The following ARL6IP5 variants were observed in gnomAD, a reference collection of about 807,000 sequenced individuals.
ARL6IP5 encodes the protein PRA1 family protein 3.
Under a neutral mutation model 13.0 loss-of-function variants are expected in ARL6IP5, and 6 were observed. The observed-to-expected ratio is 0.46, with a 90% CI of 0.25 to 0.91. The LOEUF (loss-of-function observed/expected upper bound fraction) is 0.91, where lower values mean the gene tolerates loss of function less well. Ranked by LOEUF, ARL6IP5 falls within the 40% of genes least tolerant of loss-of-function variation. The pLI is 0.17. For synonymous variants in ARL6IP5, 91 were observed against 91.9 expected, an observed-to-expected ratio of 0.99 and a Z score of 0.06; for missense variants, 208 against 248.8, an observed-to-expected ratio of 0.84 and a Z score of 1.10.
chr3:69,094,846 G>A (rs895144021), intron 1 of ARL6IP5, among the ~76,000 whole-genome samples: 2 of 151,808 alleles, frequency 1.3e-5, no homozygotes, highest in Admixed American at 1.3e-4. Flanking sequence ...AAAATGAGGT[G>A]GGTTAGCAAG....
In ARL6IP5 at chr3:69,090,698, T is replaced by C. The variant is rs1228706798; in HGVS notation, c.176+5475T>C. Among the ~76,000 whole-genome samples, 38 of 152,202 alleles carry C rather than the reference T, an allele frequency of 2.5e-4. 1 individual carries two copies. The highest frequency in any genetic ancestry group is 2.4e-3 in the Admixed American group (37 of 15,282). On this transcript the variant is annotated intron_variant, in intron 1 of 2. Transcript: ENST00000273258. ...GAACAAATACTGAGCACCTACCATG[T>C]GGTAGACACTGTCTAGGCCCTGAGG...
In ARL6IP5 at chr3:69,087,522, C is replaced by G. The variant is rs2092252270; in HGVS notation, c.176+2299C>G. Among the ~76,000 whole-genome samples, 3 of 151,990 alleles carry G rather than the reference C, an allele frequency of 2.0e-5. No individual in the cohort carries two copies. The East Asian group carries it at 5.8e-4, about 29-fold the overall frequency. On this transcript the variant is annotated intron_variant, in intron 1 of 2. Coordinates refer to ENST00000273258, the MANE Select transcript of ARL6IP5 (RefSeq NM_006407.4). ...TATTTTCTTCAGACATGTGTGCTGC[C>G]CAGACCAGGCACAAGCTCAGACAGC...
rs111700508 is a variant in ARL6IP5, at chr3:69,085,033, C to G, written c.-15C>G. On this transcript the variant is annotated 5_prime_UTR_variant, in exon 1 of 3. Transcript: ENST00000273258. ...GCCGCCAGATTCTGGAGGCGAAGAA[C>G]GCAAAGCTGAGAACATGGACGTTAA... 3.0e-3 allele frequency: 4,776 copies of G among 1,610,492 alleles called. 117 individuals carry two copies. In the African/African-American group the frequency reaches 0.057, roughly 19 times the overall value.
chr3:69,090,480 G>T (rs1038940504), intron 1 of ARL6IP5, among the ~76,000 whole-genome samples: 2 of 152,196 alleles, frequency 1.3e-5, no homozygotes, highest in African/African-American at 4.8e-5. Context: ...AGTATAGCAA[G>T]TGTACAGAAA....
intron 1 of ARL6IP5, among the ~76,000 whole-genome samples, chr3:69,094,832 G>A (rs1055163500): frequency 1.1e-4 from 16 of 152,120 alleles, no homozygotes; most frequent in African/African-American, 3.1e-4. Context: ...GCTTGCTTAC[G>A]TGTAAAATGA....
chr3:69,097,409 A>G (rs1471273536), intron 1 of ARL6IP5, among the ~76,000 whole-genome samples: 5 of 151,638 alleles, frequency 3.3e-5, no homozygotes, highest in African/African-American at 9.7e-5. Flanking sequence ...CCTGGGCTCA[A>G]GCGATGCATC....
intron 2 of ARL6IP5, among the ~76,000 whole-genome samples, chr3:69,102,503 A>G (rs1294481022): frequency 6.6e-6 from 1 of 152,134 alleles, no homozygotes; most frequent in Non-Finnish European, 1.5e-5. Flanking sequence ...TGAGTGATCT[A>G]GCTTCCTTGG....
chr3:69,089,785 T>A (rs951920453), intron 1 of ARL6IP5: 1 of 456,724 alleles, frequency 2.2e-6, no homozygotes, highest in South Asian at 1.5e-5. Flanking sequence ...TATTCTTATG[T>A]ATATACATTT....
At chr3:69,103,802 G>A (rs1399444094) in intron 2 of ARL6IP5, among the ~76,000 whole-genome samples, 1 of 152,184 alleles carries the variant, frequency 6.6e-6, no homozygotes, top group East Asian at 1.9e-4. Context: ...AGATCATATG[G>A]AGAGAGGGTT....
intron 2 of ARL6IP5, among the ~76,000 whole-genome samples, chr3:69,102,564 G>A (rs2092309069): frequency 6.6e-6 from 1 of 152,136 alleles, no homozygotes; most frequent in Non-Finnish European, 1.5e-5. Context: ...CCAGCTGTGT[G>A]CCATACATTC....
In ARL6IP5 at chr3:69,104,957, GA is replaced by G; in HGVS notation, c.*322del. ...ATTACGGCTTTTACAGCAACAATAC[GA>G]TTATCTTATAGGAAAAAAAAAATCA... On this transcript the variant is annotated 3_prime_UTR_variant, in exon 3 of 3. Transcript: ENST00000273258. The G allele has an allele frequency of 1.5e-6, 1 of 679,898 alleles. No individual in the cohort carries two copies. The highest frequency in any genetic ancestry group is 1.6e-5 in the South Asian group (1 of 62,596). 42.1% of individuals were successfully genotyped at this position (679,898 alleles called of 1,614,324 possible). A position where few individuals can be genotyped will look rare whatever the true frequency, so the allele number is the denominator to read the frequency against.
Position 69,106,010 on chromosome 3 carries a change from C to T in ARL6IP5, c.*1374C>T, listed in dbSNP as rs928582856. ...AGTGATATCACCATGACTTCACAGACATGGTCTAGAATCTGTACCCTTACC... is the reference window on the plus strand; with the variant it reads ...AGTGATATCACCATGACTTCACAGATATGGTCTAGAATCTGTACCCTTACC... On this transcript the variant is annotated 3_prime_UTR_variant, in exon 3 of 3. Coordinates refer to ENST00000273258, the MANE Select transcript of ARL6IP5 (RefSeq NM_006407.4). The T allele has an allele frequency of 2.0e-5, 3 of 152,212 alleles. No homozygotes were observed. The highest frequency in any genetic ancestry group is 7.2e-5 in the African/African-American group (3 of 41,456). 9.4% of individuals were successfully genotyped at this position (152,212 alleles called of 1,614,324 possible).
rs551891883 is a variant in ARL6IP5 at position 69,089,676 on chromosome 3, A to T, written c.176+4453A>T. The T allele has an allele frequency of 8.0e-6, 3 of 372,684 alleles. No individual in the cohort carries two copies. In the East Asian group the frequency reaches 2.4e-4, roughly 30 times the overall value. The allele number at this position is 372,684 out of a possible 1,614,324, so 23.1% of individuals were successfully genotyped here. A position where few individuals can be genotyped will look rare whatever the true frequency, so the allele number is the denominator to read the frequency against. Reference sequence around the variant, plus strand: ...AAAAAAATTATTTTCTGCCATTAGAACTCATATTTTCTGGTATGGCCTCAG... The same window carrying T: ...AAAAAAATTATTTTCTGCCATTAGATCTCATATTTTCTGGTATGGCCTCAG... On this transcript the variant is annotated intron_variant, in intron 1 of 2. Coordinates refer to ENST00000273258, the MANE Select transcript of ARL6IP5 (RefSeq NM_006407.4).
At chr3:69,085,256 C>T in intron 1 of ARL6IP5, 33 bp downstream of exon 1, 10 of 1,592,326 alleles carry the variant, frequency 6.3e-6, no homozygotes, top group Non-Finnish European at 8.6e-6. Context: ...GGACACCGAT[C>T]CGGGGCGAGC....
rs940941652 is a variant in ARL6IP5, at chr3:69,099,133, G to A, written c.177-2706G>A. Among the ~76,000 whole-genome samples the A allele has an allele frequency of 2.3e-3, 239 of 102,832 alleles. 6 individuals are homozygous for A. Among genetic ancestry groups the A allele is most frequent in the Non-Finnish European group, 3.0e-3 (154 of 51,894 alleles). 67.5% of individuals were successfully genotyped at this position (102,832 alleles called of 152,430 possible). A position where few individuals can be genotyped will look rare whatever the true frequency, so the allele number is the denominator to read the frequency against. ...GCACTTTGGGAGGCTGAGGGGCGGG[G>A]GGGGTGGGGGGTGGATCACATGAGG... On this transcript the variant is annotated intron_variant, in intron 1 of 2. Transcript: ENST00000273258.
At chr3:69,095,321 A>G (rs1056505382) in intron 1 of ARL6IP5, among the ~76,000 whole-genome samples, 2 of 152,090 alleles carry the variant, frequency 1.3e-5, no homozygotes, top group Non-Finnish European at 2.9e-5. Flanking sequence ...TTATAGGGAA[A>G]GATTTATTAA....
Position 69,103,324 on chromosome 3 carries a change from T to C in ARL6IP5, c.395-1140T>C, listed in dbSNP as rs547230252. On this transcript the variant is annotated intron_variant, in intron 2 of 2. Transcript: ENST00000273258. Reference sequence around the variant, plus strand: ...AGACAGTTAAGAGTCCTGATTTCTATTCTTAGACCTGCTGGAAACCAGCAT... The same window carrying C: ...AGACAGTTAAGAGTCCTGATTTCTACTCTTAGACCTGCTGGAAACCAGCAT... 7.2e-4 allele frequency among the ~76,000 whole-genome samples: 110 copies of C among 152,322 alleles called. 1 individual carries two copies. In the Middle Eastern group the frequency reaches 0.014, roughly 19 times the overall value.
At chr3:69,089,003 G>A (rs1220562669) in intron 1 of ARL6IP5, among the ~76,000 whole-genome samples, 1 of 152,162 alleles carries the variant, frequency 6.6e-6, no homozygotes, top group Non-Finnish European at 1.5e-5. Context: ...TGTGAGCCAT[G>A]GAACAGCAGC....
chr3:69,089,877 G>A (rs2092259640), intron 1 of ARL6IP5: 2 of 456,460 alleles, frequency 4.4e-6, no homozygotes, highest in African/African-American at 4.0e-5. Context: ...TCCTCACCAT[G>A]TGGCCTGATC....
Sources: allele counts gnomAD v4.1 joint callset (sites outside exome capture counted in the v4.1 genomes callset), GRCh38; gene constraint gnomAD v4.1.1; transcripts MANE v1.5; gene names NCBI Gene and HGNC (gene_info 2026-07-23, HGNC 2026-07-21).